Variants in ITFG1 observed in about 807,000 individuals in gnomAD.
ITFG1 encodes integrin alpha FG-GAP repeat containing 1.
In ITFG1, 34 loss-of-function variants were observed where a neutral mutation model predicts 81.8. The observed-to-expected ratio is 0.42, with a 90% CI of 0.32 to 0.55. The LOEUF is 0.55. Ranked by LOEUF, ITFG1 falls within the 20% of genes least tolerant of loss-of-function variation. ITFG1 has a pLI of 0.17. For missense variants in ITFG1, 672 were observed against 755.4 expected, an observed-to-expected ratio of 0.89 and a Z score of 1.29; for synonymous variants, 285 against 270.6, an observed-to-expected ratio of 1.05 and a Z score of -0.52.
At chr16:47,207,857 A>T (rs1410633607) in intron 14 of ITFG1, among the ~76,000 whole-genome samples, 1 of 149,984 alleles carries the variant, frequency 6.7e-6, no homozygotes, top group African/African-American at 2.5e-5. Flanking sequence ...AACAATATAT[A>T]CTTACTCAGC....
At chr16:47,435,714 T>C (rs1264509813) in intron 5 of ITFG1, among the ~76,000 whole-genome samples, 1 of 152,212 alleles carries the variant, frequency 6.6e-6, no homozygotes, top group Non-Finnish European at 1.5e-5. Flanking sequence ...AAGAAGAATC[T>C]ACTTCTCCAG....
intron 6 of ITFG1, among the ~76,000 whole-genome samples, chr16:47,377,398 T>C (rs1327606624): frequency 6.6e-6 from 1 of 152,160 alleles, no homozygotes; most frequent in Non-Finnish European, 1.5e-5. Context: ...TTGATCTCAT[T>C]CCTTTTCTTC....
At chr16:47,328,578 A>C (rs879894028) in intron 8 of ITFG1, among the ~76,000 whole-genome samples, 1 of 152,158 alleles carries the variant, frequency 6.6e-6, no homozygotes, top group Non-Finnish European at 1.5e-5. Context: ...GTGTTAAAAC[A>C]GAAGAAAAAT....
intron 6 of ITFG1, among the ~76,000 whole-genome samples, chr16:47,386,192 T>G (rs1567482263): frequency 6.6e-6 from 1 of 152,146 alleles, no homozygotes; most frequent in Non-Finnish European, 1.5e-5. Context: ...AAAAAAAAAT[T>G]TACAGTCTCT....
chr16:47,392,456 A>G (rs1968544636), intron 6 of ITFG1, among the ~76,000 whole-genome samples: 1 of 152,084 alleles, frequency 6.6e-6, no homozygotes, highest in Admixed American at 6.6e-5. Flanking sequence ...GCAGGAGAGG[A>G]GGAGATCAGG....
At chr16:47,363,770 C>G (rs1473774976) in intron 8 of ITFG1, among the ~76,000 whole-genome samples, 1 of 152,132 alleles carries the variant, frequency 6.6e-6, no homozygotes, top group Non-Finnish European at 1.5e-5. Flanking sequence ...ATAAGATAAT[C>G]TATTTTCCTA....
intron 2 of ITFG1, among the ~76,000 whole-genome samples, chr16:47,455,143 A>G (rs1252816754): frequency 6.6e-6 from 1 of 152,234 alleles, no homozygotes; most frequent in Non-Finnish European, 1.5e-5. Context: ...CCCTATTTCT[A>G]GAATGTTAGT....
chr16:47,267,880 C>A (rs73538991), intron 10 of ITFG1, among the ~76,000 whole-genome samples: 10,555 of 152,056 alleles, frequency 0.069, 605 homozygotes, highest in African/African-American at 0.15. Flanking sequence ...TGTTGTATGT[C>A]ACTATAGTAG....
At chr16:47,159,796 G>T in intron 16 of ITFG1, among the ~76,000 whole-genome samples, 1 of 152,070 alleles carries the variant, frequency 6.6e-6, no homozygotes, top group Non-Finnish European at 1.5e-5. Context: ...AGGTAAGACT[G>T]TTCTGGTAAA....
At chr16:47,356,600 C>T (rs1350863062) in intron 8 of ITFG1, among the ~76,000 whole-genome samples, 1 of 152,206 alleles carries the variant, frequency 6.6e-6, no homozygotes, top group Non-Finnish European at 1.5e-5. Context: ...AGGGCACTTT[C>T]ATCCATTCAG....
At chr16:47,385,020 T>C (rs574442630) in intron 6 of ITFG1, among the ~76,000 whole-genome samples, 52 of 152,360 alleles carry the variant, frequency 3.4e-4, no homozygotes, top group African/African-American at 1.2e-3. Context: ...GGAACAGAGC[T>C]GGCAGAGGTA....
chr16:47,202,265 C>T (rs942924198), intron 14 of ITFG1: 10 of 152,154 alleles, frequency 6.6e-5, no homozygotes, highest in African/African-American at 2.4e-4. Context: ...TTATCTCTTT[C>T]ACCTAGCAAG....
At chr16:47,165,213 T>G (rs1430658929) in intron 14 of ITFG1, among the ~76,000 whole-genome samples, 2 of 152,176 alleles carry the variant, frequency 1.3e-5, no homozygotes, top group Non-Finnish European at 2.9e-5. Flanking sequence ...ATGACAAAGT[T>G]AATTAATATA....
intron 6 of ITFG1, chr16:47,396,231 A>C: frequency 5.6e-6 from 5 of 885,602 alleles, no homozygotes; most frequent in Non-Finnish European, 6.8e-6. Context: ...AAATGCCAAA[A>C]TGGAGTAGGT....
At chr16:47,324,544 A>C (rs1967500998) in intron 8 of ITFG1, among the ~76,000 whole-genome samples, 1 of 152,236 alleles carries the variant, frequency 6.6e-6, no homozygotes, top group Non-Finnish European at 1.5e-5. Flanking sequence ...GGACTGGCAA[A>C]TTGGATAAAG....
intron 5 of ITFG1, among the ~76,000 whole-genome samples, chr16:47,436,763 GTCT>G (rs1397251444): frequency 6.6e-6 from 1 of 152,102 alleles, no homozygotes; most frequent in Non-Finnish European, 1.5e-5. Context: ...TATCCATTAG[GTCT>G]TCTTCCTTTA....
intron 8 of ITFG1, among the ~76,000 whole-genome samples, chr16:47,340,145 C>G (rs1275312301): frequency 1.3e-5 from 2 of 151,950 alleles, no homozygotes; most frequent in African/African-American, 4.8e-5. Context: ...GTAAGATATT[C>G]CCAGATAAAG....
At chr16:47,191,035 T>C (rs1596797673) in intron 14 of ITFG1, among the ~76,000 whole-genome samples, 1 of 152,164 alleles carries the variant, frequency 6.6e-6, no homozygotes, top group African/African-American at 2.4e-5. Flanking sequence ...GCTTGGGTCA[T>C]GTTCGCTGAT....
intron 17 of ITFG1, among the ~76,000 whole-genome samples, chr16:47,156,129 T>C (rs898514610): frequency 3.9e-5 from 6 of 152,180 alleles, no homozygotes; most frequent in Non-Finnish European, 7.3e-5. Context: ...TTTTTAACAA[T>C]GATGTTAATA....
Sources: allele counts gnomAD v4.1 joint callset (sites outside exome capture counted in the v4.1 genomes callset), GRCh38; gene constraint gnomAD v4.1.1; transcripts MANE v1.5; gene names NCBI Gene and HGNC (gene_info 2026-07-23, HGNC 2026-07-21).